Variants in TBCE observed in about 807,000 individuals in gnomAD.
TBCE encodes the protein tubulin-specific chaperone E.
TBCE carries 53 observed loss-of-function variants against 77.0 expected under a neutral mutation model. The observed-to-expected ratio is 0.69, with a 90% CI of 0.55 to 0.87. The LOEUF (loss-of-function observed/expected upper bound fraction) is 0.87. TBCE is among the 40% of genes least tolerant of loss of function. TBCE has a pLI of 0.00. For missense variants in TBCE, 624 were observed against 622.4 expected, an observed-to-expected ratio of 1.00 and a Z score of -0.03; for synonymous variants, 235 against 241.3, an observed-to-expected ratio of 0.97 and a Z score of 0.24.
At chr1:235,436,712 C>G in intron 11 of TBCE, 104 bp downstream of exon 11, 1 of 1,165,320 alleles carries the variant, frequency 8.6e-7, no homozygotes, top group Non-Finnish European at 1.3e-6. Flanking sequence ...AAATTTAAAT[C>G]GAAAGAGAAA....
chr1:235,437,647 A>G (rs1467086947), intron 12 of TBCE, among the ~76,000 whole-genome samples, 173 bp downstream of exon 12: 1 of 151,904 alleles, frequency 6.6e-6, no homozygotes, highest in Non-Finnish European at 1.5e-5. Context: ...CCCCATCTCT[A>G]CAAAAAATAC....
intron 15 of TBCE, among the ~76,000 whole-genome samples, chr1:235,446,696 T>TA (rs1682341764): frequency 8.6e-6 from 1 of 116,950 alleles, no homozygotes; most frequent in African/African-American, 2.8e-5. Flanking sequence ...AGTAGGCAGG[T>TA]TTTTTTTTTT....
At chr1:235,436,301 A>C in intron 9 of TBCE, 85 bp from the exon 10 acceptor site, 1 of 1,366,080 alleles carries the variant, frequency 7.3e-7, no homozygotes, top group South Asian at 1.2e-5. Context: ...GGGTGTAGGA[A>C]AAAAATTTAC....
At chr1:235,430,825 T>C in intron 7 of TBCE, 21 bp downstream of exon 7, 1 of 1,577,962 alleles carries the variant, frequency 6.3e-7, no homozygotes, top group Non-Finnish European at 8.7e-7. Flanking sequence ...TTCTTTGTTT[T>C]ATTACACATT....
chr1:235,405,337 T>G (rs1679357608), intron 3 of TBCE, among the ~76,000 whole-genome samples: 1 of 150,656 alleles, frequency 6.6e-6, no homozygotes, highest in Admixed American at 6.6e-5. Flanking sequence ...TTTTTTTTTT[T>G]TTAATAAGTA....
In TBCE at chr1:235,437,459, G is replaced by A. The variant is rs750203834; in HGVS notation, c.1101G>A (p.Thr367=). 80 of 1,613,934 alleles carry A rather than the reference G, an allele frequency of 5.0e-5. No individual in the cohort carries two copies. The highest frequency in any genetic ancestry group is 6.5e-5 in the Non-Finnish European group (77 of 1,179,986). Residue 367 remains threonine, a synonymous_variant, in exon 12 of 17, where the codon ACG becomes ACA. Coordinates refer to ENST00000642610, the MANE Select transcript of TBCE (RefSeq NM_003193.5). ...TCGCCAGCATTGGCCAGCTGAAGAC[G>A]CTGAACAAATGTGAGGTGAGCACTG... ...LIIASIGQLK[T]LNKCEILPEE...
chr1:235,439,001 G>T lies in TBCE; in HGVS notation c.1270+79G>T, dbSNP rs1681648134. On this transcript the variant is annotated intron_variant, in intron 13 of 16. Transcript: ENST00000642610. Reference sequence around the variant, plus strand: ...AGTTTTTTCTTGGGTATCAAAAGAGGTTCTCAGTGTTGCTTTTGCCCTTCT... The same window carrying T: ...AGTTTTTTCTTGGGTATCAAAAGAGTTTCTCAGTGTTGCTTTTGCCCTTCT... 5 of 1,590,546 alleles carry T rather than the reference G, an allele frequency of 3.1e-6. No homozygotes were observed. The South Asian group carries it at 3.3e-5, about 11-fold the overall frequency.
chr1:235,371,980 T>C (rs1309482203), intron 1 of TBCE, among the ~76,000 whole-genome samples: 1 of 149,320 alleles, frequency 6.7e-6, no homozygotes, highest in African/African-American at 2.5e-5. Flanking sequence ...GCCCTTTTTT[T>C]CATTTTTTCA....
chr1:235,369,850 C>T (rs575141546), intron 1 of TBCE, among the ~76,000 whole-genome samples: 21 of 151,686 alleles, frequency 1.4e-4, no homozygotes, highest in African/African-American at 3.6e-4. Context: ...AAAAAAAAGC[C>T]GAAGTCTTCA....
chr1:235,368,762 C>T (rs909798764), intron 1 of TBCE, among the ~76,000 whole-genome samples: 9 of 150,244 alleles, frequency 6.0e-5, no homozygotes, highest in Non-Finnish European at 7.4e-5. Context: ...GATGGGGTTT[C>T]GCCATGTTGG....
At position 235,430,766 on chromosome 1, in the gene TBCE, G is replaced by A. The variant is rs545291372; in HGVS notation, c.622G>A (p.Val208Ile). Residue 208 changes from valine to isoleucine, a missense_variant, in exon 7 of 17, where the codon GTT (valine) becomes ATT (isoleucine). Val to Ile is a conservative substitution (Grantham distance 29). Transcript: ENST00000642610. ...VLTGTLSVLK[V>I]LVLNQTGITW... ...AACTGGAACGCTTTCTGTACTGAAGGTTTTAGTCCTCAATCAAACAGGAAT... is the reference window on the plus strand; with the variant it reads ...AACTGGAACGCTTTCTGTACTGAAGATTTTAGTCCTCAATCAAACAGGAAT... The A allele has an allele frequency of 5.6e-6, 9 of 1,613,720 alleles. No individual in the cohort carries two copies. The South Asian group carries it at 7.7e-5, about 14-fold the overall frequency.
intron 5 of TBCE, among the ~76,000 whole-genome samples, chr1:235,424,047 T>A (rs1377797126): frequency 6.6e-6 from 1 of 152,198 alleles, no homozygotes; most frequent in African/African-American, 2.4e-5. Context: ...GTAAAGAAAC[T>A]TTCTCCACGT....
At chr1:235,396,891 T>C (rs1160071834) in intron 2 of TBCE, among the ~76,000 whole-genome samples, 1 of 152,146 alleles carries the variant, frequency 6.6e-6, no homozygotes, top group Admixed American at 6.6e-5. Flanking sequence ...TAATCCCTTA[T>C]TAGATGAGTA....
chr1:235,446,836 C>A (rs576031347), intron 15 of TBCE, among the ~76,000 whole-genome samples: 1 of 151,798 alleles, frequency 6.6e-6, no homozygotes. Context: ...AGGCGTACAT[C>A]GCTATGCTTG....
intron 5 of TBCE, among the ~76,000 whole-genome samples, chr1:235,419,830 G>A (rs887791327): frequency 6.6e-6 from 1 of 150,614 alleles, no homozygotes; most frequent in African/African-American, 2.5e-5. Flanking sequence ...GCTCACGCCT[G>A]TAATCCTAGC....
At chr1:235,386,856 T>C (rs1253393670) in intron 2 of TBCE, among the ~76,000 whole-genome samples, 1 of 152,188 alleles carries the variant, frequency 6.6e-6, no homozygotes, top group Non-Finnish European at 1.5e-5. Flanking sequence ...CTGTGTTCCT[T>C]TGGAGGAGGA....
chr1:235,368,281 T>C (rs937960154), intron 1 of TBCE, among the ~76,000 whole-genome samples: 2 of 152,124 alleles, frequency 1.3e-5, no homozygotes, highest in Non-Finnish European at 2.9e-5. Context: ...CAAATGATGG[T>C]GTGACAGCCT....
chr1:235,441,412 A>G, intron 13 of TBCE: 1 of 272,996 alleles, frequency 3.7e-6, no homozygotes, highest in Admixed American at 5.1e-5. Context: ...CAGCGCAGAA[A>G]GAGAACTGTT....
Position 235,373,797 on chromosome 1 carries a change from C to T in TBCE, c.-31-6222C>T, listed in dbSNP as rs186360204. ...CCGAGTAGCTGGGACTACAAGCGCC[C>T]GCCACCACGCCTGGCTAATTTTTTT... On this transcript the variant is annotated intron_variant, in intron 1 of 16. Coordinates refer to ENST00000642610, the MANE Select transcript of TBCE (RefSeq NM_003193.5). Among the ~76,000 whole-genome samples, 550 of 145,576 alleles carry T rather than the reference C, an allele frequency of 3.8e-3. 34 individuals carry two copies. Among genetic ancestry groups the T allele is most frequent in the African/African-American group, 0.013 (480 of 37,900 alleles).
Sources: allele counts gnomAD v4.1 joint callset (sites outside exome capture counted in the v4.1 genomes callset), GRCh38; gene constraint gnomAD v4.1.1; transcripts MANE v1.5; gene names NCBI Gene and HGNC (gene_info 2026-07-23, HGNC 2026-07-21).